Variants in DOCK2 observed in about 807,000 individuals in gnomAD.
DOCK2 encodes the protein dedicator of cytokinesis 2.
A neutral mutation model predicts 248.9 loss-of-function variants in DOCK2; 87 were observed. The observed-to-expected ratio is 0.35, with a 90% CI of 0.29 to 0.42. The LOEUF (loss-of-function observed/expected upper bound fraction) is 0.42, where lower values mean the gene tolerates loss of function less well. Among genes scored for constraint, DOCK2 ranks in the 10% least tolerant of loss-of-function variants. DOCK2 has a pLI of 1.00. For synonymous variants in DOCK2, 805 were observed against 821.6 expected (o/e 0.98, Z 0.35); for missense variants, 1,747 against 2,300.2 (o/e 0.76, Z 4.92).
Position 169,711,947 on chromosome 5 carries a change from A to G in DOCK2, c.1495A>G (p.Ile499Val). ...TCTGTCTGCTGAGGTGGCTGTCCCT[A>G]TTGAAGACATGCAGAGGATCCATCT... The part of the protein sequence containing the change: ...WMETVKVAVP[I>V]EDMQRIHLRF... The change falls in exon 16 of 52, where the codon ATT (isoleucine) becomes GTT (valine). Residue 499 changes from isoleucine (I) to valine (V), a missense_variant. Physicochemically the swap from Ile to Val is conservative, Grantham distance 29. Coordinates refer to ENST00000520908, the MANE Select transcript of DOCK2 (RefSeq NM_004946.3). 1.2e-6 allele frequency: 2 copies of G among 1,613,954 alleles called. No homozygotes were observed. Among genetic ancestry groups the G allele is most frequent in the Non-Finnish European group, 1.7e-6 (2 of 1,179,942 alleles).
At chr5:169,991,784 G>T (rs1346945209) in intron 29 of DOCK2, among the ~76,000 whole-genome samples, 1 of 152,242 alleles carries the variant, frequency 6.6e-6, no homozygotes, top group Non-Finnish European at 1.5e-5. Context: ...GAGAAAGACA[G>T]ACCTGAGTTT....
In DOCK2 at chr5:169,722,686, T is replaced by C. The variant is rs148706065; in HGVS notation, c.2267+3895T>C. ...TGGGTACAAAGTGCTCCATGCAATA[T>C]CTGGTACTTATTTCATAAATTTAAT... is the stretch of plus-strand genomic sequence containing the variant. On this transcript the variant is annotated intron_variant, in intron 22 of 51. Transcript: ENST00000520908. Among the ~76,000 whole-genome samples, 1,169 of 152,362 alleles carry C rather than the reference T, an allele frequency of 7.7e-3. 10 individuals are homozygous for C. Among genetic ancestry groups the C allele is most frequent in the African/African-American group, 0.026 (1,098 of 41,584 alleles).
chr5:169,990,954 C>T (rs1488697592), intron 29 of DOCK2, among the ~76,000 whole-genome samples: 1 of 152,252 alleles, frequency 6.6e-6, no homozygotes, highest in Non-Finnish European at 1.5e-5. Flanking sequence ...ACCATAACAA[C>T]AACAGCTGAC....
At chr5:169,789,786 C>T (rs552923862) in intron 25 of DOCK2, among the ~76,000 whole-genome samples, 4 of 152,364 alleles carry the variant, frequency 2.6e-5, no homozygotes, top group African/African-American at 9.6e-5. Flanking sequence ...AAGTCTGTCT[C>T]ATCTCTCTAT....
intron 27 of DOCK2, among the ~76,000 whole-genome samples, chr5:169,971,395 T>C (rs1777503045): frequency 6.7e-6 from 1 of 149,832 alleles, no homozygotes; most frequent in Non-Finnish European, 1.5e-5. Flanking sequence ...AGGAATGGAC[T>C]TCCACTTCCT....
chr5:169,725,097 G>A (rs1490549184), intron 22 of DOCK2, among the ~76,000 whole-genome samples: 1 of 152,204 alleles, frequency 6.6e-6, no homozygotes, highest in Non-Finnish European at 1.5e-5. Flanking sequence ...AAATGCCTGT[G>A]ACATTGAGAT....
chr5:169,644,123 G>T (rs1290751303), intron 1 of DOCK2, among the ~76,000 whole-genome samples: 1 of 152,182 alleles, frequency 6.6e-6, no homozygotes, highest in Non-Finnish European at 1.5e-5. Flanking sequence ...TCTGAGAGAG[G>T]TCATAGGGAG....
Position 169,670,511 on chromosome 5 carries a change from A to ATTTTG in DOCK2, c.169-12_169-8dup, listed in dbSNP as rs72367961. 115 of 1,605,618 alleles carry ATTTTG rather than the reference A, an allele frequency of 7.2e-5. No individual in the cohort carries two copies. The African/African-American group carries it at 1.1e-3, about 15-fold the overall frequency. ...CTGTGGTGATATATCTTTTTATTTT[A>ATTTTG]TTTTGTTTTGTTTTGTTTTGTTTCC... On this transcript the variant is annotated intron_variant, in intron 3 of 51. Transcript: ENST00000520908.
chr5:169,961,583 C>T (rs928295842), intron 27 of DOCK2, among the ~76,000 whole-genome samples: 6 of 151,998 alleles, frequency 3.9e-5, no homozygotes, highest in Non-Finnish European at 7.4e-5. Flanking sequence ...AGGAGCTCCA[C>T]CTAGGAAAGG....
At chr5:169,794,110 C>T (rs528913199) in intron 25 of DOCK2, among the ~76,000 whole-genome samples, 1 of 152,232 alleles carries the variant, frequency 6.6e-6, no homozygotes, top group East Asian at 1.9e-4. Context: ...CCTCGGGCTG[C>T]AGGACCCTAC....
Position 170,080,326 on chromosome 5 carries a change from G to A in DOCK2, c.5287+43G>A, listed in dbSNP as rs1379408607. ...ACCAGCATGAGGGAGTAGAGATAGT[G>A]CAGGCCACCAGCCTTGTGGGTGGAG... On this transcript the variant is annotated intron_variant, in intron 50 of 51. Coordinates refer to ENST00000520908, the MANE Select transcript of DOCK2 (RefSeq NM_004946.3). 6 of 1,609,496 alleles carry A rather than the reference G, an allele frequency of 3.7e-6. No individual in the cohort carries two copies. In the East Asian group the frequency reaches 1.3e-4, roughly 36 times the overall value.
At chr5:169,825,440 A>T (rs1202620795) in intron 26 of DOCK2, among the ~76,000 whole-genome samples, 25 of 151,090 alleles carry the variant, frequency 1.7e-4, no homozygotes, top group African/African-American at 5.7e-4. Flanking sequence ...CTATGCAGCC[A>T]TAGAAAATGA....
chr5:169,991,316 C>T (rs1432365263), intron 29 of DOCK2, among the ~76,000 whole-genome samples: 6 of 152,208 alleles, frequency 3.9e-5, no homozygotes, highest in Non-Finnish European at 5.9e-5. Flanking sequence ...CTCTGTGAGG[C>T]CTCACATGGA....
At chr5:169,818,932 T>G (rs1209917938) in intron 26 of DOCK2, among the ~76,000 whole-genome samples, 2 of 152,230 alleles carry the variant, frequency 1.3e-5, no homozygotes, top group East Asian at 3.8e-4. Flanking sequence ...TAATTATTCA[T>G]GCATACTTTA....
intron 25 of DOCK2, among the ~76,000 whole-genome samples, chr5:169,788,631 G>T (rs1766136380): frequency 6.6e-6 from 1 of 152,196 alleles, no homozygotes; most frequent in Non-Finnish European, 1.5e-5. Flanking sequence ...CCCAGTAAGG[G>T]CAGTTGGAGC....
intron 26 of DOCK2, among the ~76,000 whole-genome samples, chr5:169,810,999 A>T (rs1046192970): frequency 9.3e-5 from 14 of 151,288 alleles, no homozygotes; most frequent in African/African-American, 3.2e-4. Flanking sequence ...TCACACACAC[A>T]CACACACACA....
At position 170,080,311 on chromosome 5, in the gene DOCK2, G is replaced by C. The variant is rs111961482; in HGVS notation, c.5287+28G>C. On this transcript the variant is annotated intron_variant, in intron 50 of 51. Coordinates refer to ENST00000520908, the MANE Select transcript of DOCK2 (RefSeq NM_004946.3). ...ATGCCCCCTGCTGCCACCAGCATGA[G>C]GGAGTAGAGATAGTGCAGGCCACCA... 1,923 of 1,613,516 alleles carry C rather than the reference G, an allele frequency of 1.2e-3. 20 individuals carry two copies. The African/African-American group carries it at 0.023, about 19-fold the overall frequency.
chr5:169,706,601 G>A (rs115319201), intron 14 of DOCK2, among the ~76,000 whole-genome samples: 2,114 of 152,298 alleles, frequency 0.014, 25 homozygotes, highest in Non-Finnish European at 0.022. Context: ...GACTTTGGAA[G>A]CATGTTTTTA....
At chr5:169,697,843 C>T (rs940537248) in intron 10 of DOCK2, among the ~76,000 whole-genome samples, 1 of 152,008 alleles carries the variant, frequency 6.6e-6, no homozygotes, top group Non-Finnish European at 1.5e-5. Flanking sequence ...GGTTTTGGGA[C>T]CTTTAGTGGC....
Sources: gnomAD v4.1 joint callset for allele counts (sites outside exome capture counted in the v4.1 genomes callset) on GRCh38, gnomAD v4.1.1 for gene constraint, MANE v1.5 for transcripts, NCBI Gene and HGNC (gene_info 2026-07-23, HGNC 2026-07-21) for gene names.